ICE2: variants seen among roughly 807,000 people sequenced by gnomAD.
The protein encoded by ICE2 is little elongation complex subunit 2.
ICE2 carries 87 observed loss-of-function variants against 105.4 expected under a neutral mutation model. That is an observed-to-expected ratio of 0.83 (90% confidence interval 0.69 to 0.99). The LOEUF (loss-of-function observed/expected upper bound fraction) is 0.99, where lower values mean the gene tolerates loss of function less well. Among genes scored for constraint, ICE2 ranks in the 50% least tolerant of loss-of-function variants. ICE2 has a pLI of 0.00. For missense variants in ICE2, 1,323 were observed against 1,146.7 expected (o/e 1.15, Z -2.22); for synonymous variants, 399 against 392.0 (o/e 1.02, Z -0.21).
chr15:60,475,605 T>C (rs929774346), intron 3 of ICE2, among the ~76,000 whole-genome samples: 1 of 152,178 alleles, frequency 6.6e-6, no homozygotes, highest in Non-Finnish European at 1.5e-5. Context: ...ATATTCAAAA[T>C]ATCACTTTAA....
At chr15:60,452,223 C>G in intron 9 of ICE2, 1 of 936,712 alleles carries the variant, frequency 1.1e-6, no homozygotes, top group Non-Finnish European at 1.3e-6. Context: ...TATTAAAAGG[C>G]AAATGGCAAA....
intron 8 of ICE2, among the ~76,000 whole-genome samples, chr15:60,454,395 T>A (rs931660556): frequency 2.5e-4 from 38 of 152,226 alleles, no homozygotes; most frequent in Non-Finnish European, 5.9e-5. Flanking sequence ...GGTTGTCTAC[T>A]AAAGTACTAC....
chr15:60,448,896 T>A lies in ICE2; in HGVS notation c.2071A>T (p.Ser691Cys). 6.2e-7 allele frequency: 1 copy of A among 1,610,972 alleles called. No individual in the cohort carries two copies. Among genetic ancestry groups the A allele is most frequent in the Non-Finnish European group, 8.5e-7 (1 of 1,179,136 alleles). The change falls in exon 10 of 16, where the codon AGT becomes TGT. Residue 691 changes from serine to cysteine, a missense_variant. Coordinates refer to ENST00000261520, the MANE Select transcript of ICE2 (RefSeq NM_024611.6). ...EQLSGPSDSS[S>C]WPKSGWPSAF... ...GAAGGCCATCCAGATTTCGGCCAAC[T>A]AGAGGAGTCTGAAGGACCAGACAAT...
intron 3 of ICE2, among the ~76,000 whole-genome samples, chr15:60,472,992 G>C (rs1174763726): frequency 6.6e-6 from 1 of 151,996 alleles, no homozygotes; most frequent in Non-Finnish European, 1.5e-5. Flanking sequence ...CTGTTGTCCA[G>C]AAGTGCAGTG....
chr15:60,454,347 C>T (rs567299258), intron 8 of ICE2, among the ~76,000 whole-genome samples: 6 of 152,072 alleles, frequency 3.9e-5, no homozygotes, highest in South Asian at 4.2e-4. Flanking sequence ...ATTCCAGTAA[C>T]GAACAAGTAA....
At chr15:60,474,089 G>A (rs557470245) in intron 3 of ICE2, among the ~76,000 whole-genome samples, 1 of 151,912 alleles carries the variant, frequency 6.6e-6, no homozygotes, top group Admixed American at 6.6e-5. Context: ...TGGAGAGACG[G>A]GGTCTCAATT....
At chr15:60,429,199 CAG>C (rs1041458388) in intron 14 of ICE2, among the ~76,000 whole-genome samples, 2 of 152,190 alleles carry the variant, frequency 1.3e-5, no homozygotes, top group Non-Finnish European at 2.9e-5. Context: ...ATGAGGATAA[CAG>C]AAACAATAGC....
At chr15:60,449,975 T>C (rs2063923723) in intron 9 of ICE2, 134 bp from the exon 10 acceptor site, 1 of 686,578 alleles carries the variant, frequency 1.5e-6, no homozygotes, top group East Asian at 2.7e-5. Context: ...TTGTAAAAGG[T>C]TCTTGTTTAA....
In ICE2 at chr15:60,423,685, A is replaced by G. The variant is rs1041436624; in HGVS notation, c.2898T>C (p.Ala966=). ...SMETKSSCLP[A]QQVETEGVAP... ...CCACTCCTTCAGTTTCAACTTGCTG[A>G]GCAGGCAAGCAACTGCTTTTGGTTT... The change falls in exon 16 of 16, where the codon GCT becomes GCC. Residue 966 remains alanine (A), a synonymous_variant. Transcript: ENST00000261520. 1 of 1,610,750 alleles carries G rather than the reference A, an allele frequency of 6.2e-7. No individual in the cohort carries two copies. Among genetic ancestry groups the G allele is most frequent in the Non-Finnish European group, 8.5e-7 (1 of 1,179,360 alleles).
rs959000315 is a variant in ICE2 at position 60,420,005 on chromosome 15, C to T, written c.*3629G>A. 1.3e-5 allele frequency: 2 copies of T among 152,214 alleles called. No homozygotes were observed. The highest frequency in any genetic ancestry group is 4.8e-5 in the African/African-American group (2 of 41,456). 9.4% of individuals were successfully genotyped at this position (152,214 alleles called of 1,614,324 possible). ...CTAGCCAAGAGCCTGACTGCAACTT[C>T]ATGAGAGACCTGGACTTTTGACTTA... On this transcript the variant is annotated 3_prime_UTR_variant, in exon 16 of 16. Coordinates refer to ENST00000261520, the MANE Select transcript of ICE2 (RefSeq NM_024611.6).
chr15:60,435,275 C>T (rs778434060), intron 13 of ICE2, among the ~76,000 whole-genome samples: 9 of 148,682 alleles, frequency 6.1e-5, no homozygotes, highest in Non-Finnish European at 1.2e-4. Context: ...AGCGAGACTC[C>T]GTCTCAAAAA....
intron 3 of ICE2, among the ~76,000 whole-genome samples, chr15:60,472,776 C>G (rs1245122988): frequency 1.3e-5 from 2 of 151,918 alleles, no homozygotes; most frequent in Non-Finnish European, 2.9e-5. Context: ...TCACCTGAGC[C>G]CAGGAATTTG....
At position 60,446,630 on chromosome 15, in the gene ICE2, C is replaced by T. The variant is rs2063828729; in HGVS notation, c.2295+1340G>A. Among the ~76,000 whole-genome samples the T allele has an allele frequency of 3.3e-5, 5 of 152,088 alleles. No homozygotes were observed. In the South Asian group the frequency reaches 6.2e-4, roughly 19 times the overall value. The stretch of plus-strand genomic sequence containing the variant: ...CAGGATGGTCTCAATCTCCTGACCT[C>T]GTGATCTGCCCACCTCGGCCTCCCA... On this transcript the variant is annotated intron_variant, in intron 11 of 15. Coordinates refer to ENST00000261520, the MANE Select transcript of ICE2 (RefSeq NM_024611.6).
chr15:60,475,708 G>A lies in ICE2; in HGVS notation c.146+355C>T, dbSNP rs1295002473. 3.3e-5 allele frequency among the ~76,000 whole-genome samples: 5 copies of A among 151,928 alleles called. No homozygotes were observed. The East Asian group carries it at 9.6e-4, about 29-fold the overall frequency. On this transcript the variant is annotated intron_variant, in intron 3 of 15. Transcript: ENST00000261520. ...TGTATATGTATGTGTGCGTGTACAC[G>A]TTATAAACAGTATACTGCTTAGTAC... is the stretch of plus-strand genomic sequence containing the variant.
chr15:60,476,060 T>G lies in ICE2; in HGVS notation c.146+3A>C. On this transcript the variant is annotated splice_donor_region_variant and intron_variant, in intron 3 of 15. Coordinates refer to ENST00000261520, the MANE Select transcript of ICE2 (RefSeq NM_024611.6). ...GAAATAAATAACCAAATAAACATAT[T>G]ACCTGTTGGATAAAACACGTAGTTC... The G allele has an allele frequency of 6.4e-7, 1 of 1,558,874 alleles. No homozygotes were observed. The highest frequency in any genetic ancestry group is 1.4e-5 in the African/African-American group (1 of 72,598).
At position 60,423,561 on chromosome 15, in the gene ICE2, T is replaced by C; in HGVS notation, c.*73A>G. ...AATGTTCCTCTTGCCTACTGATTAT[T>C]TTCCCTCAAACTTATCTAAATTAAA... On this transcript the variant is annotated 3_prime_UTR_variant, in exon 16 of 16. Transcript: ENST00000261520. The C allele has an allele frequency of 2.8e-6, 4 of 1,408,622 alleles. No homozygotes were observed. The South Asian group carries it at 5.7e-5, about 20-fold the overall frequency. The allele number at this position is 1,408,622 out of a possible 1,614,324, so 87.3% of individuals were successfully genotyped here.
chr15:60,466,819 T>G, intron 4 of ICE2, 106 bp from the exon 5 acceptor site: 6 of 907,212 alleles, frequency 6.6e-6, no homozygotes, highest in Non-Finnish European at 9.8e-6. Context: ...ATAATTAAAG[T>G]ATCAAATCCA....
chr15:60,466,552 C>G (rs2064433551), intron 5 of ICE2, 42 bp downstream of exon 5: 1 of 1,603,670 alleles, frequency 6.2e-7, no homozygotes, highest in Non-Finnish European at 8.5e-7. Context: ...CTGCTATTGC[C>G]TATCACTTCG....
intron 15 of ICE2, among the ~76,000 whole-genome samples, chr15:60,426,421 AC>A (rs2063339506): frequency 6.6e-6 from 1 of 152,176 alleles, no homozygotes; most frequent in Admixed American, 6.5e-5. Context: ...TGTGTAGTAG[AC>A]TACACCCTCT....
Sources: allele counts gnomAD v4.1 joint callset (sites outside exome capture counted in the v4.1 genomes callset), GRCh38; gene constraint gnomAD v4.1.1; transcripts MANE v1.5; gene names NCBI Gene and HGNC (gene_info 2026-07-23, HGNC 2026-07-21).